Variants in LRFN5 observed in about 807,000 individuals in gnomAD.
LRFN5 encodes leucine-rich repeat and fibronectin type-III domain-containing protein 5.
In LRFN5, 24 loss-of-function variants were observed where a neutral mutation model predicts 45.6. The observed-to-expected ratio is 0.53, with a 90% CI of 0.38 to 0.74. The LOEUF (loss-of-function observed/expected upper bound fraction) is 0.74. LRFN5 is among the 30% of genes least tolerant of loss of function. The probability of loss-of-function intolerance (pLI) is 0.00; values close to 1 mark genes in which losing one functional copy is unlikely to be tolerated. For missense variants in LRFN5, 776 were observed against 861.5 expected (o/e 0.90, Z 1.24); for synonymous variants, 340 against 313.8 (o/e 1.08, Z -0.88).
At chr14:41,719,020 A>G (rs1318704975) in intron 1 of LRFN5, among the ~76,000 whole-genome samples, 3 of 152,094 alleles carry the variant, frequency 2.0e-5, no homozygotes, top group Admixed American at 6.6e-5. Flanking sequence ...GAAGCTGAAC[A>G]CTCTGGATTA....
chr14:41,677,616 C>T (rs965479718), intron 1 of LRFN5, among the ~76,000 whole-genome samples: 1 of 151,996 alleles, frequency 6.6e-6, no homozygotes, highest in African/African-American at 2.4e-5. Flanking sequence ...AAAACAAAAA[C>T]TTCACTAGAG....
At chr14:41,629,167 T>C (rs1237467788) in intron 1 of LRFN5, among the ~76,000 whole-genome samples, 1 of 152,242 alleles carries the variant, frequency 6.6e-6, no homozygotes, top group Non-Finnish European at 1.5e-5. Flanking sequence ...ACTTTTATTT[T>C]AGATCATATA....
chr14:41,681,245 T>C (rs1881868976), intron 1 of LRFN5, among the ~76,000 whole-genome samples: 1 of 151,974 alleles, frequency 6.6e-6, no homozygotes, highest in African/African-American at 2.4e-5. Flanking sequence ...GAGAAATATA[T>C]CAATATTTAA....
Position 41,896,160 on chromosome 14 carries a change from A to AT in LRFN5, c.2099-2751dup, listed in dbSNP as rs556295369. Reference sequence around the variant, plus strand: ...CTTTCATTATAGCAATAAATATAAGATTTTTTAAAATTCCAATAGTTTAAA... The same window carrying AT: ...CTTTCATTATAGCAATAAATATAAGATTTTTTTAAAATTCCAATAGTTTAAA... On this transcript the variant is annotated intron_variant, in intron 4 of 5. Transcript: ENST00000298119. Among the ~76,000 whole-genome samples the AT allele has an allele frequency of 4.6e-5, 7 of 152,332 alleles. No homozygotes were observed. The South Asian group carries it at 1.4e-3, about 32-fold the overall frequency.
At chr14:41,774,275 G>C (rs553527610) in intron 2 of LRFN5, among the ~76,000 whole-genome samples, 3 of 152,314 alleles carry the variant, frequency 2.0e-5, no homozygotes, top group South Asian at 2.1e-4. Flanking sequence ...TCTATTTTGT[G>C]AATGTGCAGT....
intron 1 of LRFN5, among the ~76,000 whole-genome samples, chr14:41,650,266 C>CAA (rs10654457): frequency 0.059 from 7,919 of 135,100 alleles, 375 homozygotes; most frequent in Non-Finnish European, 0.09. Context: ...CACACACACA[C>CAA]AAAAAAAAAA....
chr14:41,809,914 T>C (rs1206287729), intron 2 of LRFN5, among the ~76,000 whole-genome samples: 1 of 151,978 alleles, frequency 6.6e-6, no homozygotes, highest in African/African-American at 2.4e-5. Context: ...TGTCAGACAA[T>C]TACTGACAAT....
At chr14:41,704,613 C>T (rs1882988350) in intron 1 of LRFN5, among the ~76,000 whole-genome samples, 1 of 151,934 alleles carries the variant, frequency 6.6e-6, no homozygotes, top group Admixed American at 6.6e-5. Context: ...TGCGTGCCAC[C>T]ACACCTGGAT....
chr14:41,813,850 G>T (rs187684265), intron 2 of LRFN5, among the ~76,000 whole-genome samples: 5 of 151,892 alleles, frequency 3.3e-5, no homozygotes, highest in African/African-American at 1.2e-4. Flanking sequence ...CCTCTCCAGC[G>T]TCTGTTGCTT....
chr14:41,749,624 TATGA>T (rs1885050388), intron 1 of LRFN5, among the ~76,000 whole-genome samples: 1 of 151,994 alleles, frequency 6.6e-6, no homozygotes, highest in Non-Finnish European at 1.5e-5. Flanking sequence ...CATATGACCT[TATGA>T]ATGCAAAGAA....
At chr14:41,811,367 C>A (rs1887729718) in intron 2 of LRFN5, among the ~76,000 whole-genome samples, 1 of 151,942 alleles carries the variant, frequency 6.6e-6, no homozygotes, top group African/African-American at 2.4e-5. Context: ...TTGGTAGTTT[C>A]CCAAACTCTT....
chr14:41,704,411 TCTCTC>T (rs1882966325), intron 1 of LRFN5, among the ~76,000 whole-genome samples: 1 of 93,858 alleles, frequency 1.1e-5, no homozygotes, highest in African/African-American at 4.9e-5. Flanking sequence ...TATACTTTTC[TCTCTC>T]TCTCTCTCTC....
rs1594634438 is a variant in LRFN5 at position 41,708,271 on chromosome 14, A to T, written c.-196-58583A>T. Among the ~76,000 whole-genome samples the T allele has an allele frequency of 2.0e-5, 3 of 152,108 alleles. No individual in the cohort carries two copies. In the South Asian group the frequency reaches 6.2e-4, roughly 32 times the overall value. Reference sequence around the variant, plus strand: ...ATACAGTATAATAAATGCCAAGTACACATTATCCACCTTCAATAATTATCA... The same window carrying T: ...ATACAGTATAATAAATGCCAAGTACTCATTATCCACCTTCAATAATTATCA... On this transcript the variant is annotated intron_variant, in intron 1 of 5. Coordinates refer to ENST00000298119, the MANE Select transcript of LRFN5 (RefSeq NM_152447.5).
In LRFN5 at chr14:41,852,250, A is replaced by G. The variant is rs969816940; in HGVS notation, c.-20-34356A>G. Among the ~76,000 whole-genome samples, 10 of 152,046 alleles carry G rather than the reference A, an allele frequency of 6.6e-5. No individual in the cohort carries two copies. The East Asian group carries it at 1.9e-3, about 29-fold the overall frequency. ...ATTCACTCTCAGAAGTTGGCAAATA[A>G]CATAATTAAATGAATCTATACTTCT... On this transcript the variant is annotated intron_variant, in intron 2 of 5. Transcript: ENST00000298119.
At chr14:41,663,549 AAAAT>A (rs764057197) in intron 1 of LRFN5, among the ~76,000 whole-genome samples, 2 of 151,902 alleles carry the variant, frequency 1.3e-5, no homozygotes, top group Non-Finnish European at 2.9e-5. Flanking sequence ...TTATTAGAAA[AAAAT>A]AAGAATAAGG....
At chr14:41,903,150 T>C (rs1232650160) in intron 5 of LRFN5, among the ~76,000 whole-genome samples, 1 of 151,534 alleles carries the variant, frequency 6.6e-6, no homozygotes, top group Non-Finnish European at 1.5e-5. Flanking sequence ...TATCAATTAT[T>C]TTGAAATGTT....
At chr14:41,718,496 C>T (rs1477968858) in intron 1 of LRFN5, among the ~76,000 whole-genome samples, 1 of 152,072 alleles carries the variant, frequency 6.6e-6, no homozygotes, top group Non-Finnish European at 1.5e-5. Context: ...CATTTTAAGC[C>T]TATATTTTAC....
At chr14:41,622,949 A>G (rs1888186269) in intron 1 of LRFN5, among the ~76,000 whole-genome samples, 1 of 152,150 alleles carries the variant, frequency 6.6e-6, no homozygotes, top group Non-Finnish European at 1.5e-5. Flanking sequence ...ATATGAGACA[A>G]AAACGAACTC....
intron 3 of LRFN5, among the ~76,000 whole-genome samples, chr14:41,889,083 CAT>C (rs932674681): frequency 1.2e-3 from 147 of 125,658 alleles, no homozygotes; most frequent in African/African-American, 3.7e-3. Flanking sequence ...ATTTCAAAGC[CAT>C]ATATATATAT....
Sources: allele counts gnomAD v4.1 joint callset (sites outside exome capture counted in the v4.1 genomes callset), GRCh38; gene constraint gnomAD v4.1.1; transcripts MANE v1.5; gene names NCBI Gene and HGNC (gene_info 2026-07-23, HGNC 2026-07-21).